The following SUPT3H variants were observed in gnomAD, a reference collection of about 807,000 sequenced individuals.
SUPT3H encodes transcription initiation protein SPT3 homolog.
A neutral mutation model predicts 44.3 loss-of-function variants in SUPT3H; 44 were observed. The ratio of observed to expected loss-of-function variants is 0.99; its 90% confidence interval spans 0.78 to 1.28. The LOEUF is 1.28. SUPT3H is among the 50% of genes most tolerant of loss of function. The probability of loss-of-function intolerance (pLI) is 0.00; values close to 1 mark genes in which losing one functional copy is unlikely to be tolerated. For missense variants in SUPT3H, 380 were observed against 387.1 expected, an observed-to-expected ratio of 0.98 and a Z score of 0.15; for synonymous variants, 124 against 125.6, an observed-to-expected ratio of 0.99 and a Z score of 0.09.
intron 10 of SUPT3H, among the ~76,000 whole-genome samples, chr6:44,918,516 A>G (rs1582487663): frequency 6.6e-6 from 1 of 152,352 alleles, no homozygotes; most frequent in East Asian, 1.9e-4. Context: ...TGACTTTACT[A>G]GAAGTGGGTA....
intron 10 of SUPT3H, among the ~76,000 whole-genome samples, chr6:44,845,725 T>TGA (rs1771749339): frequency 6.6e-6 from 1 of 152,170 alleles, no homozygotes; most frequent in Non-Finnish European, 1.5e-5. Flanking sequence ...AAGAGGACGT[T>TGA]GAGGGGAGCT....
intron 2 of SUPT3H, among the ~76,000 whole-genome samples, chr6:45,359,056 T>C (rs903837046): frequency 2.6e-5 from 4 of 152,166 alleles, no homozygotes; most frequent in African/African-American, 9.6e-5. Context: ...TTCATTTCTG[T>C]AAGTAAGCAA....
chr6:45,178,981 C>T (rs1304702228), intron 2 of SUPT3H, among the ~76,000 whole-genome samples: 1 of 152,028 alleles, frequency 6.6e-6, no homozygotes, highest in East Asian at 1.9e-4. Context: ...CCAAAATTGA[C>T]ACCCTAACAT....
chr6:45,263,785 C>G (rs1774793984), intron 2 of SUPT3H, among the ~76,000 whole-genome samples: 1 of 152,120 alleles, frequency 6.6e-6, no homozygotes. Flanking sequence ...CCTTCTCACC[C>G]CCCAAAAATG....
rs552021884 is a variant in SUPT3H, at chr6:45,062,946, G to C, written c.187-42314C>G. ...CAAAGCAGAAAGGAAACTCGAACTGGGTGGAGCCCACCACAGCTCAAGGAG... is the reference window on the plus strand; with the variant it reads ...CAAAGCAGAAAGGAAACTCGAACTGCGTGGAGCCCACCACAGCTCAAGGAG... On this transcript the variant is annotated intron_variant, in intron 3 of 10. Coordinates refer to ENST00000371459, the MANE Select transcript of SUPT3H (RefSeq NM_003599.4). Among the ~76,000 whole-genome samples the C allele has an allele frequency of 1.1e-4, 16 of 151,960 alleles. 1 individual carries two copies. The South Asian group carries it at 2.9e-3, about 28-fold the overall frequency.
intron 3 of SUPT3H, among the ~76,000 whole-genome samples, chr6:45,087,503 A>G (rs1450225360): frequency 6.6e-6 from 1 of 151,838 alleles, no homozygotes; most frequent in Non-Finnish European, 1.5e-5. Flanking sequence ...TTCTCTATAG[A>G]CTTTTGAGGG....
At chr6:44,818,703 A>G (rs949752707) in intron 11 of SUPT3H, among the ~76,000 whole-genome samples, 20 of 152,312 alleles carry the variant, frequency 1.3e-4, no homozygotes, top group Admixed American at 5.9e-4. Context: ...GAAAATGCTT[A>G]ATATCATTGG....
chr6:45,063,035 T>C (rs1207444804), intron 3 of SUPT3H, among the ~76,000 whole-genome samples: 1 of 150,570 alleles, frequency 6.6e-6, no homozygotes, highest in Admixed American at 6.6e-5. Flanking sequence ...AAGACAGCAG[T>C]AACCTCTGCA....
chr6:44,942,685 C>T (rs1397944481), intron 9 of SUPT3H, among the ~76,000 whole-genome samples: 1 of 152,102 alleles, frequency 6.6e-6, no homozygotes, highest in Non-Finnish European at 1.5e-5. Flanking sequence ...CTATCTCAGC[C>T]TCCTGAGTAG....
intron 2 of SUPT3H, among the ~76,000 whole-genome samples, chr6:45,261,504 AG>A (rs1214743850): frequency 2.6e-5 from 4 of 152,144 alleles, no homozygotes; most frequent in African/African-American, 9.7e-5. Context: ...CCATAGATGT[AG>A]AAAAGGCTGT....
intron 10 of SUPT3H, among the ~76,000 whole-genome samples, chr6:44,839,269 A>G (rs979382416): frequency 6.6e-6 from 1 of 152,162 alleles, no homozygotes; most frequent in African/African-American, 2.4e-5. Flanking sequence ...TCATAAACAC[A>G]GTGAAAAGGC....
intron 2 of SUPT3H, among the ~76,000 whole-genome samples, chr6:45,200,247 T>G (rs2153625267): frequency 6.6e-6 from 1 of 151,626 alleles, no homozygotes; most frequent in African/African-American, 2.4e-5. Flanking sequence ...ACATAATGAG[T>G]GCTGTATTTA....
At chr6:44,861,916 G>C (rs554682) in intron 10 of SUPT3H, among the ~76,000 whole-genome samples, 7,181 of 152,196 alleles carry the variant, frequency 0.047, 241 homozygotes, top group South Asian at 0.13. Flanking sequence ...GATCTTGTTT[G>C]AAGAACAAGT....
intron 3 of SUPT3H, among the ~76,000 whole-genome samples, chr6:45,041,837 T>C (rs1788578877): frequency 1.3e-5 from 2 of 152,162 alleles, no homozygotes; most frequent in African/African-American, 4.8e-5. Flanking sequence ...GGTTCCAATG[T>C]CCTCATTTCA....
intron 3 of SUPT3H, among the ~76,000 whole-genome samples, chr6:45,043,317 T>G (rs1261248955): frequency 6.6e-6 from 1 of 152,194 alleles, no homozygotes; most frequent in Non-Finnish European, 1.5e-5. Flanking sequence ...CGGTCTTATT[T>G]ATTTTTCCAA....
chr6:45,172,123 A>C (rs1231981797), intron 2 of SUPT3H, among the ~76,000 whole-genome samples: 1 of 147,982 alleles, frequency 6.8e-6, no homozygotes, highest in Non-Finnish European at 1.5e-5. Context: ...GCCAGGCTGG[A>C]GTGCAGTGGC....
At chr6:45,126,308 T>C (rs1474126729) in intron 2 of SUPT3H, among the ~76,000 whole-genome samples, 2 of 152,190 alleles carry the variant, frequency 1.3e-5, no homozygotes, top group Non-Finnish European at 1.5e-5. Flanking sequence ...ATGTCCTCCC[T>C]TGAGAATTTT....
chr6:45,014,593 T>C (rs543818338), intron 5 of SUPT3H, among the ~76,000 whole-genome samples: 1 of 152,252 alleles, frequency 6.6e-6, no homozygotes, highest in South Asian at 2.1e-4. Context: ...AGAATTAGAA[T>C]CTATGAGAAG....
intron 2 of SUPT3H, among the ~76,000 whole-genome samples, chr6:45,316,793 T>C (rs1489241513): frequency 6.6e-6 from 1 of 152,146 alleles, no homozygotes; most frequent in Non-Finnish European, 1.5e-5. Flanking sequence ...TGGAAAGATA[T>C]CCTAACTTTA....
Sources: gnomAD v4.1 joint callset for allele counts (sites outside exome capture counted in the v4.1 genomes callset) on GRCh38, gnomAD v4.1.1 for gene constraint, MANE v1.5 for transcripts, NCBI Gene and HGNC (gene_info 2026-07-23, HGNC 2026-07-21) for gene names.